The following FAT4 variants were observed in gnomAD, a reference collection of about 807,000 sequenced individuals.
The protein encoded by FAT4 is FAT atypical cadherin 4, also known as protocadherin Fat 4.
FAT4 carries 84 observed loss-of-function variants against 303.9 expected under a neutral mutation model. That is an observed-to-expected ratio of 0.28 (90% CI 0.23 to 0.33). The LOEUF is 0.33. FAT4 is among the 10% of genes least tolerant of loss of function. FAT4 has a pLI of 1.00. For synonymous variants in FAT4, 2,307 were observed against 2,298.8 expected (o/e 1.00, Z -0.10); for missense variants, 6,005 against 6,146.8 (o/e 0.98, Z 0.77).
intron 2 of FAT4, among the ~76,000 whole-genome samples, chr4:125,395,107 G>A (rs1734116391): frequency 6.6e-6 from 1 of 152,002 alleles, no homozygotes; most frequent in Non-Finnish European, 1.5e-5. Context: ...TGAAGAAATG[G>A]CAGGATAACA....
At chr4:125,413,113 A>G (rs1734909293) in intron 5 of FAT4, among the ~76,000 whole-genome samples, 1 of 151,818 alleles carries the variant, frequency 6.6e-6, no homozygotes, top group Admixed American at 6.6e-5. Context: ...CACACACAAT[A>G]TAATGTATAT....
chr4:125,482,947 C>T (rs1727279135), intron 16 of FAT4, among the ~76,000 whole-genome samples: 1 of 152,194 alleles, frequency 6.6e-6, no homozygotes, highest in Non-Finnish European at 1.5e-5. Context: ...CCCCATGGGA[C>T]ATTTGGCAAT....
At chr4:125,373,072 A>G in intron 2 of FAT4, among the ~76,000 whole-genome samples, 1 of 152,220 alleles carries the variant, frequency 6.6e-6, no homozygotes, top group South Asian at 2.1e-4. Context: ...AATACACAAA[A>G]TAACAAAACA....
chr4:125,415,801 C>A lies in FAT4; in HGVS notation c.6838C>A (p.Leu2280Ile). The part of the protein sequence containing the change: ...ENLGTLPRTI[L>I]QVVARDDDRG... The stretch of plus-strand genomic sequence containing the variant: ...TTTAGGGACACTACCCAGAACAATT[C>A]TTCAGGTCAGTATATTTAAATAAAG... The change falls in exon 6 of 18, where the codon CTT becomes ATT. Residue 2280 changes from leucine to isoleucine, a missense_variant. Leu to Ile is a conservative substitution (Grantham distance 5). Coordinates refer to ENST00000394329, the MANE Select transcript of FAT4 (RefSeq NM_001291303.3). 3 of 1,604,652 alleles carry A rather than the reference C, an allele frequency of 1.9e-6. No homozygotes were observed. The highest frequency in any genetic ancestry group is 2.6e-6 in the Non-Finnish European group (3 of 1,173,520).
chr4:125,433,084 T>C (rs558986350), intron 7 of FAT4, among the ~76,000 whole-genome samples: 22 of 152,262 alleles, frequency 1.4e-4, no homozygotes, highest in African/African-American at 5.3e-4. Flanking sequence ...TCTAAGAACA[T>C]AGAAGAATGA....
At position 125,379,822 on chromosome 4, in the gene FAT4, T is replaced by TA. The variant is rs71585407; in HGVS notation, c.5176-18951dup. Among the ~76,000 whole-genome samples the TA allele has an allele frequency of 8.3e-4, 123 of 148,238 alleles. No individual in the cohort carries two copies. The East Asian group carries it at 0.015, about 18-fold the overall frequency. On this transcript the variant is annotated intron_variant, in intron 2 of 17. Transcript: ENST00000394329. ...AACTTATTTCATACCTTGTATATTCTAAAAAAAAAAACACACACATATATA... is the reference window on the plus strand; with the variant it reads ...AACTTATTTCATACCTTGTATATTCTAAAAAAAAAAAACACACACATATATA...
chr4:125,449,836 C>T lies in FAT4; in HGVS notation c.8826C>T (p.Gly2942=), dbSNP rs1355664497. 3.7e-6 allele frequency: 6 copies of T among 1,613,738 alleles called. No homozygotes were observed. The highest frequency in any genetic ancestry group is 5.1e-6 in the Non-Finnish European group (6 of 1,179,880). Residue 2942 remains glycine, a synonymous_variant, in exon 10 of 18, where the codon GGC becomes GGT. Transcript: ENST00000394329. ...KQILKYQNVT[G]FSNVNINRHS... ...TCTTAAAATACCAAAATGTCACTGG[C>T]TTCAGTAATGTGAATATCAACAGGC...
At chr4:125,416,365 CT>C in intron 6 of FAT4, 82 bp from the exon 7 acceptor site, 1 of 1,234,028 alleles carries the variant, frequency 8.1e-7, no homozygotes. Context: ...ATAGTTTTAC[CT>C]CATTTTTTTT....
chr4:125,462,364 G>A (rs941298468), intron 10 of FAT4, among the ~76,000 whole-genome samples: 1 of 151,938 alleles, frequency 6.6e-6, no homozygotes. Flanking sequence ...AAATGCATTA[G>A]TGAAATTGGG....
intron 7 of FAT4, among the ~76,000 whole-genome samples, 185 bp from the exon 8 acceptor site, chr4:125,434,060 C>G (rs934191415): frequency 6.6e-6 from 1 of 152,166 alleles, no homozygotes; most frequent in African/African-American, 2.4e-5. Context: ...AGTTGAAATT[C>G]TAGTTCACAA....
intron 8 of FAT4, among the ~76,000 whole-genome samples, chr4:125,445,053 T>A (rs899397575): frequency 4.6e-5 from 7 of 152,114 alleles, no homozygotes; most frequent in Admixed American, 3.9e-4. Context: ...ATAACTATAG[T>A]TAATGCTATT....
chr4:125,427,276 T>G (rs2126037953), intron 7 of FAT4, among the ~76,000 whole-genome samples: 1 of 152,140 alleles, frequency 6.6e-6, no homozygotes. Flanking sequence ...TGATTAAGTA[T>G]ATTCACTTTG....
In FAT4 at chr4:125,315,066, G is replaced by T. The variant is rs983942741; in HGVS notation, c.-924G>T. Reference sequence around the variant, plus strand: ...TTTCGGCGACGCGCTGTGTGTGTGTGTGTGCGTGTGTATGTGTGTGTGTGT... The same window carrying T: ...TTTCGGCGACGCGCTGTGTGTGTGTTTGTGCGTGTGTATGTGTGTGTGTGT... On this transcript the variant is annotated 5_prime_UTR_variant, in exon 1 of 18. Transcript: ENST00000394329. Among the ~76,000 whole-genome samples, 1 of 152,044 alleles carries T rather than the reference G, an allele frequency of 6.6e-6. No individual in the cohort carries two copies. Among genetic ancestry groups the T allele is most frequent in the East Asian group, 1.9e-4 (1 of 5,168 alleles).
intron 2 of FAT4, among the ~76,000 whole-genome samples, chr4:125,367,302 T>G (rs557369556): frequency 6.6e-6 from 1 of 152,184 alleles, no homozygotes; most frequent in African/African-American, 2.4e-5. Context: ...CTACACACTG[T>G]ACATATATTA....
chr4:125,450,705 C>A lies in FAT4; in HGVS notation c.9695C>A (p.Ala3232Glu), dbSNP rs373873722. 2 of 1,614,044 alleles carry A rather than the reference C, an allele frequency of 1.2e-6. No homozygotes were observed. The highest frequency in any genetic ancestry group is 1.6e-4 in the Middle Eastern group (1 of 6,062). ...DADSGTNAVIAYTVQSSDSDL... is the reference protein window; with the variant it reads ...DADSGTNAVIEYTVQSSDSDL... ...GACTCTGGAACAAATGCTGTGATTGCGTATACTGTACAGTCATCTGACAGT... is the reference window on the plus strand; with the variant it reads ...GACTCTGGAACAAATGCTGTGATTGAGTATACTGTACAGTCATCTGACAGT... Residue 3232 changes from alanine to glutamate, a missense_variant, in exon 10 of 18, where the codon GCG (alanine) becomes GAG (glutamate). Ala to Glu is a moderately radical substitution (Grantham distance 107, BLOSUM62 -1). Coordinates refer to ENST00000394329, the MANE Select transcript of FAT4 (RefSeq NM_001291303.3).
intron 7 of FAT4, among the ~76,000 whole-genome samples, chr4:125,416,949 A>G (rs1294671013): frequency 6.6e-6 from 1 of 152,186 alleles, no homozygotes. Context: ...TCGTCTCAAA[A>G]TAAACAAATA....
chr4:125,386,765 T>A (rs1733766396), intron 2 of FAT4, among the ~76,000 whole-genome samples: 1 of 152,140 alleles, frequency 6.6e-6, no homozygotes, highest in South Asian at 2.1e-4. Context: ...GAAGTAAAAA[T>A]ACAACACAAG....
intron 7 of FAT4, among the ~76,000 whole-genome samples, chr4:125,420,331 G>C (rs1735239924): frequency 6.6e-6 from 1 of 152,136 alleles, no homozygotes; most frequent in African/African-American, 2.4e-5. Flanking sequence ...ACTTAGAAAA[G>C]GACCTGCAAC....
intron 2 of FAT4, among the ~76,000 whole-genome samples, chr4:125,396,118 G>T (rs749405316): frequency 2.0e-5 from 3 of 151,906 alleles, no homozygotes; most frequent in Non-Finnish European, 4.4e-5. Flanking sequence ...TAACACACAC[G>T]CATGAGACTG....
Sources: allele counts gnomAD v4.1 joint callset (sites outside exome capture counted in the v4.1 genomes callset), GRCh38; gene constraint gnomAD v4.1.1; transcripts MANE v1.5; gene names NCBI Gene and HGNC (gene_info 2026-07-23, HGNC 2026-07-21).